Variants in FAM184A observed in about 807,000 individuals in gnomAD.
FAM184A encodes protein FAM184A.
A neutral mutation model predicts 143.8 loss-of-function variants in FAM184A; 99 were observed. The observed-to-expected ratio is 0.69, with a 90% CI of 0.58 to 0.81. The LOEUF (loss-of-function observed/expected upper bound fraction) is 0.81. Ranked by LOEUF, FAM184A falls within the 40% of genes least tolerant of loss-of-function variation. FAM184A has a pLI of 0.00. For synonymous variants in FAM184A, 427 were observed against 446.4 expected, an observed-to-expected ratio of 0.96 and a Z score of 0.55; for missense variants, 1,217 against 1,310.5, an observed-to-expected ratio of 0.93 and a Z score of 1.10.
chr6:118,979,374 C>T lies in FAM184A; in HGVS notation c.2446G>A (p.Ala816Thr). The T allele has an allele frequency of 6.2e-7, 1 of 1,608,788 alleles. No individual in the cohort carries two copies. Among genetic ancestry groups the T allele is most frequent in the South Asian group, 1.1e-5 (1 of 89,564 alleles). ...AATCTTTTCAAAATACCAAGCATAG[C>T]CTTTCCTTCATCTTCTAATTCAAAC... ...LRFELEDEGK[A>T]MLASLRSELN... The change falls in exon 11 of 18, where the codon GCT becomes ACT. Residue 816 changes from alanine (A) to threonine (T), a missense_variant. By Grantham distance (58) the Ala-to-Thr change is moderately conservative. Transcript: ENST00000338891.
chr6:119,014,070 C>T (rs2114665710), intron 5 of FAM184A, among the ~76,000 whole-genome samples: 1 of 152,330 alleles, frequency 6.6e-6, no homozygotes, highest in East Asian at 1.9e-4. Flanking sequence ...AGTTCAAGGC[C>T]TGACTGAGTC....
intron 9 of FAM184A, among the ~76,000 whole-genome samples, chr6:118,988,000 T>TA (rs1192818075): frequency 3.3e-5 from 5 of 152,206 alleles, no homozygotes; most frequent in African/African-American, 1.2e-4. Context: ...AGTTGAAGCT[T>TA]TAAAGCAGTG....
At position 119,024,769 on chromosome 6, in the gene FAM184A, T is replaced by C; in HGVS notation, c.204A>G (p.Ala68=). 1 of 1,611,784 alleles carries C rather than the reference T, an allele frequency of 6.2e-7. No individual in the cohort carries two copies. The highest frequency in any genetic ancestry group is 8.5e-7 in the Non-Finnish European group (1 of 1,179,344). ...LNTKNDEHES[A]IQALKDAHEE... ...CATGAGCATCTTTGAGGGCTTGAAT[T>C]GCAGATTCATGCTCATCATTTTTAG... The change falls in exon 2 of 18, where the codon GCA becomes GCG. Residue 68 remains alanine (A), a synonymous_variant. Transcript: ENST00000338891.
chr6:119,070,539 A>G (rs983160252), intron 1 of FAM184A, among the ~76,000 whole-genome samples: 2 of 152,218 alleles, frequency 1.3e-5, no homozygotes, highest in Non-Finnish European at 2.9e-5. Context: ...CACACTTGAC[A>G]TATAAAATAT....
chr6:119,049,121 A>C (rs1091120), intron 1 of FAM184A, among the ~76,000 whole-genome samples: 3,461 of 152,324 alleles, frequency 0.023, 125 homozygotes, highest in African/African-American at 0.079. Context: ...CTACAGGGCT[A>C]CAGTAACCAA....
At position 119,102,931 on chromosome 6, in the gene FAM184A, A is replaced by G. The variant is rs1788683696; in HGVS notation, c.-202+46147T>C. On this transcript the variant is annotated intron_variant, in intron 1 of 16. Transcript: ENST00000352896. Reference sequence around the variant, plus strand: ...CATATAGTAGGCCTTGGTTTTCTATACAATGTCTACTCCCTTCTTATTCTT... The same window carrying G: ...CATATAGTAGGCCTTGGTTTTCTATGCAATGTCTACTCCCTTCTTATTCTT... Among the ~76,000 whole-genome samples the G allele has an allele frequency of 1.3e-5, 2 of 152,150 alleles. 1 individual carries two copies. Among genetic ancestry groups the G allele is most frequent in the South Asian group, 4.1e-4 (2 of 4,826 alleles).
intron 9 of FAM184A, 110 bp from the exon 10 acceptor site, chr6:118,980,460 G>A (rs1054649228): frequency 4.0e-6 from 3 of 742,112 alleles, no homozygotes; most frequent in Non-Finnish European, 6.6e-6. Context: ...TAAAATAACT[G>A]CCTTAATGTT....
intron 14 of FAM184A, among the ~76,000 whole-genome samples, chr6:118,970,497 G>A (rs146718936): frequency 6.6e-6 from 1 of 152,158 alleles, no homozygotes; most frequent in Non-Finnish European, 1.5e-5. Flanking sequence ...AGTGATAAAT[G>A]TTCTACTGTA....
In FAM184A at chr6:119,020,215, AAC is replaced by A. The variant is rs377611143; in HGVS notation, c.1151-58_1151-57del. On this transcript the variant is annotated intron_variant, in intron 3 of 17. Coordinates refer to ENST00000338891, the MANE Select transcript of FAM184A (RefSeq NM_024581.6). Reference sequence around the variant, plus strand: ...TAAAAATCAGTTGTACTATGAGATAAACAGTTTACATTTAATAACACAACTGT... The same window carrying A: ...TAAAAATCAGTTGTACTATGAGATAAAGTTTACATTTAATAACACAACTGT... 602 of 1,345,180 alleles carry A rather than the reference AAC, an allele frequency of 4.5e-4. 2 individuals are homozygous for A. The East Asian group carries it at 0.012, about 27-fold the overall frequency. 83.3% of individuals were successfully genotyped at this position (1,345,180 alleles called of 1,614,324 possible).
intron 13 of FAM184A, 57 bp downstream of exon 13, chr6:118,974,967 G>T: frequency 7.2e-7 from 1 of 1,395,390 alleles, no homozygotes; most frequent in Non-Finnish European, 9.9e-7. Context: ...CTAAATATCA[G>T]CACAACAGTT....
chr6:118,981,638 G>C (rs983548891), intron 9 of FAM184A, among the ~76,000 whole-genome samples: 1 of 152,128 alleles, frequency 6.6e-6, no homozygotes, highest in African/African-American at 2.4e-5. Flanking sequence ...AAAAAGAAAA[G>C]GTCGAAAGCA....
intron 2 of FAM184A, among the ~76,000 whole-genome samples, chr6:119,023,609 G>A (rs1383221336): frequency 1.6e-5 from 2 of 125,874 alleles, no homozygotes; most frequent in African/African-American, 6.1e-5. Flanking sequence ...ACCCAGGCTG[G>A]TTTCTAACAC....
At chr6:119,031,651 A>G (rs370531458) in intron 1 of FAM184A, 45 of 152,372 alleles carry the variant, frequency 3.0e-4, no homozygotes, top group African/African-American at 1.1e-3. Flanking sequence ...AAATTCACTG[A>G]AAGAGTAATA....
chr6:119,085,040 C>T (rs975575110), intron 1 of FAM184A, among the ~76,000 whole-genome samples: 7 of 152,240 alleles, frequency 4.6e-5, no homozygotes, highest in Non-Finnish European at 1.0e-4. Context: ...CCTTCAATGG[C>T]TTGGAGGCCT....
In FAM184A at chr6:118,975,155, T is replaced by G. The variant is rs1363693449; in HGVS notation, c.2637A>C (p.Arg879Ser). ...ITDLQEELRH[R>S]EHHISELDKE... is the part of the protein sequence containing the mutation. ...TATCCAATTCAGAGATGTGATGCTC[T>G]CTGTGTCTTAATTCCTCTTGTAGAT... is the stretch of plus-strand genomic sequence containing the variant. Residue 879 changes from arginine (R) to serine (S), a missense_variant, in exon 13 of 18, where the codon AGA (arginine) becomes AGC (serine). Arg to Ser is a moderately radical substitution (Grantham distance 110, BLOSUM62 -1). Coordinates refer to ENST00000338891, the MANE Select transcript of FAM184A (RefSeq NM_024581.6). 6.2e-7 allele frequency: 1 copy of G among 1,612,498 alleles called. No homozygotes were observed. Among genetic ancestry groups the G allele is most frequent in the African/African-American group, 1.3e-5 (1 of 74,892 alleles).
Position 118,960,070 on chromosome 6 carries a change from C to T in FAM184A, c.*33G>A. ...CTGTATAAAGTCATGCTCTTAGTAA[C>T]AGTCTATACAGAGCTGTGCCAACAC... On this transcript the variant is annotated 3_prime_UTR_variant, in exon 18 of 18. Coordinates refer to ENST00000338891, the MANE Select transcript of FAM184A (RefSeq NM_024581.6). 6.5e-7 allele frequency: 1 copy of T among 1,538,840 alleles called. No homozygotes were observed.
At chr6:119,025,952 T>C (rs1002823953) in intron 1 of FAM184A, among the ~76,000 whole-genome samples, 1 of 152,218 alleles carries the variant, frequency 6.6e-6, no homozygotes, top group African/African-American at 2.4e-5. Context: ...GCAGACTGGC[T>C]GGCTCTCCAA....
rs182551922 is a variant in FAM184A at position 119,017,253 on chromosome 6, C to T, written c.1333-309G>A. ...GTGGCTCACGCCTGTAATCCCAGCA[C>T]TTTGGGAGGCCGAGGCGGGTGGATC... is the stretch of plus-strand genomic sequence containing the variant. On this transcript the variant is annotated intron_variant, in intron 4 of 17. Transcript: ENST00000338891. 6.5e-3 allele frequency among the ~76,000 whole-genome samples: 988 copies of T among 152,324 alleles called. 9 individuals are homozygous for T. Among genetic ancestry groups the T allele is most frequent in the Non-Finnish European group, 8.8e-3 (601 of 68,030 alleles).
At chr6:119,008,972 T>G (rs898525108) in intron 6 of FAM184A, among the ~76,000 whole-genome samples, 1 of 152,204 alleles carries the variant, frequency 6.6e-6, no homozygotes, top group African/African-American at 2.4e-5. Context: ...TTCTTGGTCT[T>G]TATATACTAA....
Sources: gnomAD v4.1 joint callset for allele counts (sites outside exome capture counted in the v4.1 genomes callset) on GRCh38, gnomAD v4.1.1 for gene constraint, MANE v1.5 for transcripts, NCBI Gene and HGNC (gene_info 2026-07-23, HGNC 2026-07-21) for gene names.